Variants in STAG1 observed in about 807,000 individuals in gnomAD.
STAG1 encodes STAG1 cohesin complex component.
Under a neutral mutation model 170.9 loss-of-function variants are expected in STAG1, and 26 were observed. The ratio of observed to expected loss-of-function variants is 0.15; its 90% confidence interval spans 0.11 to 0.21. The LOEUF (loss-of-function observed/expected upper bound fraction) is 0.21. Among genes scored for constraint, STAG1 ranks in the 10% least tolerant of loss-of-function variants. STAG1 has a pLI of 1.00. For synonymous variants in STAG1, 514 were observed against 497.7 expected, an observed-to-expected ratio of 1.03 and a Z score of -0.44; for missense variants, 964 against 1,509.5, an observed-to-expected ratio of 0.64 and a Z score of 5.99.
intron 1 of STAG1, among the ~76,000 whole-genome samples, chr3:136,683,337 C>T (rs1055178573): frequency 2.0e-5 from 3 of 151,486 alleles, no homozygotes; most frequent in African/African-American, 7.3e-5. Flanking sequence ...GATCTAGGTT[C>T]ACTGCCACCT....
chr3:136,441,509 G>C (rs1203472338), intron 15 of STAG1, among the ~76,000 whole-genome samples: 1 of 152,204 alleles, frequency 6.6e-6, no homozygotes, highest in Non-Finnish European at 1.5e-5. Flanking sequence ...TTTTAGTTTA[G>C]AAGAGGCATT....
At chr3:136,666,574 TTG>T (rs1055106603) in intron 1 of STAG1, among the ~76,000 whole-genome samples, 1 of 152,088 alleles carries the variant, frequency 6.6e-6, no homozygotes, top group African/African-American at 2.4e-5. Context: ...TCCTAGCACT[TTG>T]GGAGGCCGAG....
chr3:136,663,866 A>G (rs993100556), intron 1 of STAG1, among the ~76,000 whole-genome samples: 6 of 152,240 alleles, frequency 3.9e-5, no homozygotes, highest in Non-Finnish European at 5.9e-5. Flanking sequence ...AAAACAACCG[A>G]GATCCAACTA....
chr3:136,624,947 CTATTTT>C (rs1244661171), intron 2 of STAG1, among the ~76,000 whole-genome samples: 6 of 152,260 alleles, frequency 3.9e-5, no homozygotes, highest in South Asian at 2.1e-4. Flanking sequence ...TGAGTATTTA[CTATTTT>C]TATTTTTCAT....
At position 136,338,122 on chromosome 3, in the gene STAG1, T is replaced by C. The variant is rs990529205; in HGVS notation, c.*132A>G. 3.9e-5 allele frequency: 25 copies of C among 648,070 alleles called. No homozygotes were observed. Among genetic ancestry groups the C allele is most frequent in the South Asian group, 1.2e-4 (6 of 50,386 alleles). 40.1% of individuals were successfully genotyped at this position (648,070 alleles called of 1,614,324 possible). On this transcript the variant is annotated 3_prime_UTR_variant, in exon 34 of 34. Transcript: ENST00000383202. ...CCTCTTCTGTCACTGCAAAAAGGGA[T>C]TGACCTTAATCATTTGATTAAAAAA...
At chr3:136,364,812 T>C (rs1245611701) in intron 25 of STAG1, among the ~76,000 whole-genome samples, 5 of 152,200 alleles carry the variant, frequency 3.3e-5, no homozygotes, top group East Asian at 3.8e-4. Context: ...TGATTAATAA[T>C]AGTTTGGCAA....
intron 22 of STAG1, among the ~76,000 whole-genome samples, chr3:136,383,300 T>C (rs1182741622): frequency 6.6e-6 from 1 of 152,098 alleles, no homozygotes; most frequent in Non-Finnish European, 1.5e-5. Context: ...AAAAGAAATA[T>C]AAAAAGATTT....
At chr3:136,729,761 T>C (rs1416101241) in intron 1 of STAG1, among the ~76,000 whole-genome samples, 1 of 151,180 alleles carries the variant, frequency 6.6e-6, no homozygotes, top group East Asian at 1.9e-4. Context: ...ACATTTTTAG[T>C]AGAGACAGGA....
intron 2 of STAG1, among the ~76,000 whole-genome samples, chr3:136,627,791 T>C (rs1940172059): frequency 1.3e-5 from 2 of 152,122 alleles, no homozygotes; most frequent in Non-Finnish European, 2.9e-5. Flanking sequence ...TAAGATCAAA[T>C]CTTGTTTAAA....
At chr3:136,467,833 C>A (rs1471816668) in intron 12 of STAG1, among the ~76,000 whole-genome samples, 1 of 152,128 alleles carries the variant, frequency 6.6e-6, no homozygotes, top group Non-Finnish European at 1.5e-5. Flanking sequence ...TGCAATCAAA[C>A]TAGAACTCAG....
chr3:136,529,878 G>A (rs1935282531), intron 6 of STAG1, among the ~76,000 whole-genome samples: 1 of 151,956 alleles, frequency 6.6e-6, no homozygotes, highest in Non-Finnish European at 1.5e-5. Flanking sequence ...AGGAACAAAG[G>A]GTCACATAGT....
intron 25 of STAG1, among the ~76,000 whole-genome samples, chr3:136,363,773 T>C (rs1233173480): frequency 2.0e-5 from 3 of 152,172 alleles, no homozygotes; most frequent in Non-Finnish European, 2.9e-5. Context: ...TCTTGTTTTT[T>C]CTTGTTTGAT....
intron 5 of STAG1, among the ~76,000 whole-genome samples, chr3:136,567,239 A>T (rs1439120269): frequency 6.6e-6 from 1 of 152,242 alleles, no homozygotes; most frequent in Non-Finnish European, 1.5e-5. Context: ...ATAGGACTAT[A>T]TGAGAAAATT....
intron 1 of STAG1, among the ~76,000 whole-genome samples, chr3:136,728,779 G>T (rs1406557829): frequency 6.6e-6 from 1 of 152,102 alleles, no homozygotes; most frequent in African/African-American, 2.4e-5. Context: ...CAAACTATAG[G>T]ATAGTTAAAA....
At chr3:136,733,886 T>C (rs9871160) in intron 1 of STAG1, among the ~76,000 whole-genome samples, 33,146 of 151,984 alleles carry the variant, frequency 0.22, 4,923 homozygotes, top group African/African-American at 0.43. Flanking sequence ...GGCGGGCGGA[T>C]CACAAGGTCA....
intron 22 of STAG1, among the ~76,000 whole-genome samples, chr3:136,390,902 AT>A (rs1373703034): frequency 6.6e-6 from 1 of 152,140 alleles, no homozygotes; most frequent in Non-Finnish European, 1.5e-5. Context: ...TTTCTAACAC[AT>A]TTGTAGGAAT....
At chr3:136,429,605 G>A (rs183693598) in intron 16 of STAG1, among the ~76,000 whole-genome samples, 4 of 152,262 alleles carry the variant, frequency 2.6e-5, no homozygotes, top group African/African-American at 9.6e-5. Context: ...CTTGTATTAC[G>A]TGGGCACTGA....
intron 4 of STAG1, among the ~76,000 whole-genome samples, chr3:136,601,626 C>T (rs1938680783): frequency 6.6e-6 from 1 of 151,972 alleles, no homozygotes; most frequent in Non-Finnish European, 1.5e-5. Flanking sequence ...AGCAGCCTGG[C>T]CAACACGGTG....
At chr3:136,751,196 G>A (rs1006232914) in intron 1 of STAG1, among the ~76,000 whole-genome samples, 3 of 69,170 alleles carry the variant, frequency 4.3e-5, no homozygotes, top group Non-Finnish European at 9.0e-5. Context: ...TTTTTTTTTT[G>A]TCTGTAAGTG....
Sources: allele counts gnomAD v4.1 joint callset (sites outside exome capture counted in the v4.1 genomes callset), GRCh38; gene constraint gnomAD v4.1.1; transcripts MANE v1.5; gene names NCBI Gene and HGNC (gene_info 2026-07-23, HGNC 2026-07-21).